The following SDK1 variants were observed in gnomAD, a reference collection of about 807,000 sequenced individuals.
SDK1 encodes the protein protein sidekick-1.
Under a neutral mutation model 245.5 loss-of-function variants are expected in SDK1, and 157 were observed. The ratio of observed to expected loss-of-function variants is 0.64; its 90% CI spans 0.56 to 0.73. The LOEUF is 0.73. Among genes scored for constraint, SDK1 ranks in the 30% least tolerant of loss-of-function variants. The pLI is 0.00. For synonymous variants in SDK1, 1,647 were observed against 1,278.5 expected, an observed-to-expected ratio of 1.29 and a Z score of -6.15; for missense variants, 3,583 against 3,002.3, an observed-to-expected ratio of 1.19 and a Z score of -4.52.
At position 4,179,957 on chromosome 7, in the gene SDK1, C is replaced by T. The variant is rs570396368; in HGVS notation, c.5098+1371C>T. 5.9e-5 allele frequency among the ~76,000 whole-genome samples: 9 copies of T among 151,982 alleles called. No homozygotes were observed. The South Asian group carries it at 1.9e-3, about 32-fold the overall frequency. Reference sequence around the variant, plus strand: ...AGAAGGTGTGGGTGTCAGAGCTCTGCCTGAGGGTCTGCCTGCGCCTGGGCA... The same window carrying T: ...AGAAGGTGTGGGTGTCAGAGCTCTGTCTGAGGGTCTGCCTGCGCCTGGGCA... On this transcript the variant is annotated intron_variant, in intron 35 of 44. Coordinates refer to ENST00000404826, the MANE Select transcript of SDK1 (RefSeq NM_152744.4).
rs1458339308 is a variant in SDK1, at chr7:4,175,702, T to C, written c.4937-73T>C. ...CCAGTAAGGCACCTGTCTCCCTTGT[T>C]CCTGCCGCACATCACCTGCGATGGC... On this transcript the variant is annotated intron_variant, in intron 33 of 44. Coordinates refer to ENST00000404826, the MANE Select transcript of SDK1 (RefSeq NM_152744.4). The C allele has an allele frequency of 7.0e-6, 9 of 1,277,204 alleles. No homozygotes were observed. In the Admixed American group the frequency reaches 1.5e-4, roughly 21 times the overall value. 79.1% of individuals were successfully genotyped at this position (1,277,204 alleles called of 1,614,324 possible).
intron 38 of SDK1, among the ~76,000 whole-genome samples, chr7:4,212,521 C>T (rs1357542894): frequency 1.3e-5 from 2 of 152,180 alleles, no homozygotes; most frequent in Admixed American, 6.5e-5. Flanking sequence ...ATGGGAGGGA[C>T]GGGGATTTAG....
At chr7:3,529,683 CGTT>C (rs1299550439) in intron 1 of SDK1, among the ~76,000 whole-genome samples, 1 of 152,004 alleles carries the variant, frequency 6.6e-6, no homozygotes, top group Non-Finnish European at 1.5e-5. Context: ...TAGACACTAA[CGTT>C]GGTGTGAGGA....
At position 3,541,761 on chromosome 7, in the gene SDK1, A is replaced by G. The variant is rs930469350; in HGVS notation, c.299-77319A>G. The stretch of plus-strand genomic sequence containing the variant: ...TTGAATTAGGTGGAATTCCTCCAAT[A>G]AGACATCACCCCAATGCATGACTTA... On this transcript the variant is annotated intron_variant, in intron 1 of 44. Transcript: ENST00000404826. Among the ~76,000 whole-genome samples the G allele has an allele frequency of 3.9e-5, 6 of 152,350 alleles. No individual in the cohort carries two copies. The South Asian group carries it at 1.0e-3, about 26-fold the overall frequency.
chr7:3,899,423 A>C (rs6462447), intron 5 of SDK1, among the ~76,000 whole-genome samples: 41,753 of 152,150 alleles, frequency 0.27, 6,554 homozygotes, highest in African/African-American at 0.43. Flanking sequence ...GTGAGATGCA[A>C]CTTACAGGAT....
chr7:3,395,585 G>A (rs577646876), intron 1 of SDK1, among the ~76,000 whole-genome samples: 5 of 151,950 alleles, frequency 3.3e-5, no homozygotes, highest in Admixed American at 1.3e-4. Context: ...TCCTCCTTCA[G>A]TGTTTGATGA....
chr7:4,017,085 C>A, intron 16 of SDK1, 86 bp from the exon 17 acceptor site: 1 of 1,321,832 alleles, frequency 7.6e-7, no homozygotes. Context: ...TTCCATTTCC[C>A]CCTAACCCTG....
At chr7:3,316,756 G>A (rs1371388404) in intron 1 of SDK1, among the ~76,000 whole-genome samples, 2 of 152,116 alleles carry the variant, frequency 1.3e-5, no homozygotes, top group Non-Finnish European at 2.9e-5. Context: ...ACTGGTTCTT[G>A]CCCATCCCGA....
At chr7:4,079,788 C>T (rs1011705189) in intron 22 of SDK1, among the ~76,000 whole-genome samples, 7 of 152,100 alleles carry the variant, frequency 4.6e-5, no homozygotes, top group African/African-American at 1.7e-4. Context: ...GGGGTCCTAC[C>T]AGGTGATAAG....
At chr7:3,371,278 C>G (rs1163826257) in intron 1 of SDK1, among the ~76,000 whole-genome samples, 1 of 114,700 alleles carries the variant, frequency 8.7e-6, no homozygotes, top group African/African-American at 2.5e-5. Flanking sequence ...TGTTACCCAT[C>G]TGTGCAGGAA....
At chr7:3,777,133 T>G (rs1290103644) in intron 4 of SDK1, among the ~76,000 whole-genome samples, 1 of 152,180 alleles carries the variant, frequency 6.6e-6, no homozygotes, top group Non-Finnish European at 1.5e-5. Context: ...TTACATTGGA[T>G]GAGATAAAAG....
chr7:3,346,821 ATATATATTTTTT>A (rs1327926441), intron 1 of SDK1, among the ~76,000 whole-genome samples: 2 of 30,876 alleles, frequency 6.5e-5, no homozygotes, highest in African/African-American at 3.1e-4. Context: ...ATATATATAT[ATATATATTTTTT>A]TTTTTTTTTT....
Position 4,093,692 on chromosome 7 carries a change from G to A in SDK1, c.3324+14108G>A, listed in dbSNP as rs141911633. Reference sequence around the variant, plus strand: ...TGCCGGCGGCGTCGACAGCGACAGCGTTTGGAATGACGCATGCCTCGGTGA... The same window carrying A: ...TGCCGGCGGCGTCGACAGCGACAGCATTTGGAATGACGCATGCCTCGGTGA... On this transcript the variant is annotated intron_variant, in intron 22 of 44. Transcript: ENST00000404826. 3.3e-5 allele frequency among the ~76,000 whole-genome samples: 5 copies of A among 152,320 alleles called. No homozygotes were observed. In the East Asian group the frequency reaches 7.8e-4, roughly 24 times the overall value.
chr7:4,028,864 TGAG>T (rs1257297001), intron 17 of SDK1, among the ~76,000 whole-genome samples: 1 of 151,988 alleles, frequency 6.6e-6, no homozygotes, highest in African/African-American at 2.4e-5. Flanking sequence ...CATTGGAAGA[TGAG>T]GAGTGGAGAG....
intron 13 of SDK1, among the ~76,000 whole-genome samples, chr7:3,986,927 G>C (rs141170204): frequency 1.3e-5 from 2 of 152,178 alleles, no homozygotes; most frequent in Non-Finnish European, 2.9e-5. Context: ...ATGTGACAGC[G>C]TCAGTACTTG....
intron 4 of SDK1, among the ~76,000 whole-genome samples, chr7:3,745,397 C>A (rs1779587719): frequency 6.6e-6 from 1 of 152,182 alleles, no homozygotes; most frequent in African/African-American, 2.4e-5. Context: ...ATAAAACCTT[C>A]ACCCCACTTC....
chr7:3,677,198 A>AT (rs1783929811), intron 4 of SDK1, among the ~76,000 whole-genome samples: 1 of 152,042 alleles, frequency 6.6e-6, no homozygotes, highest in Non-Finnish European at 1.5e-5. Flanking sequence ...GCGAAGGGGT[A>AT]TGTGTGTATG....
At chr7:3,974,211 A>C (rs1003961340) in intron 12 of SDK1, among the ~76,000 whole-genome samples, 158 bp from the exon 13 acceptor site, 5 of 151,916 alleles carry the variant, frequency 3.3e-5, no homozygotes, top group African/African-American at 1.2e-4. Context: ...GAAAGAAAGA[A>C]AAAGAAAAGA....
intron 1 of SDK1, among the ~76,000 whole-genome samples, chr7:3,313,372 A>T (rs1435531483): frequency 6.6e-6 from 1 of 152,170 alleles, no homozygotes; most frequent in Non-Finnish European, 1.5e-5. Flanking sequence ...GCGCCATTGT[A>T]TTCCAGCCTG....
Sources: gnomAD v4.1 joint callset for allele counts (sites outside exome capture counted in the v4.1 genomes callset) on GRCh38, gnomAD v4.1.1 for gene constraint, MANE v1.5 for transcripts, NCBI Gene and HGNC (gene_info 2026-07-23, HGNC 2026-07-21) for gene names.